The following APPL2 variants were observed in gnomAD, a reference collection of about 807,000 sequenced individuals.
APPL2 encodes adaptor protein, phosphotyrosine interacting with PH domain and leucine zipper 2.
A neutral mutation model predicts 92.7 loss-of-function variants in APPL2; 84 were observed. The ratio of observed to expected loss-of-function variants is 0.91; its 90% CI spans 0.76 to 1.09. The LOEUF (loss-of-function observed/expected upper bound fraction) is 1.09, where lower values mean the gene tolerates loss of function less well. APPL2 is among the 50% of genes least tolerant of loss of function. The pLI is 0.00. For missense variants in APPL2, 736 were observed against 824.5 expected (o/e 0.89, Z 1.31); for synonymous variants, 291 against 291.0 (o/e 1.00, Z 0.00).
At chr12:105,218,437 GA>G (rs71440574) in intron 2 of APPL2, among the ~76,000 whole-genome samples, 27,135 of 152,166 alleles carry the variant, frequency 0.18, 2,627 homozygotes, top group East Asian at 0.25. Flanking sequence ...AGTGTGATGA[GA>G]ACTGCAAAAG....
intron 20 of APPL2, among the ~76,000 whole-genome samples, 173 bp downstream of exon 20, chr12:105,175,862 A>G (rs1391776806): frequency 1.3e-5 from 2 of 152,246 alleles, no homozygotes; most frequent in Non-Finnish European, 2.9e-5. Flanking sequence ...GTTAACAGTG[A>G]ACATGGAACT....
At chr12:105,217,626 G>C in intron 3 of APPL2, 40 bp downstream of exon 3, 1 of 1,599,558 alleles carries the variant, frequency 6.3e-7, no homozygotes, top group African/African-American at 1.3e-5. Context: ...AGAAAGTCCT[G>C]AACACAGCAG....
chr12:105,182,618 A>G (rs1886219257), intron 17 of APPL2, among the ~76,000 whole-genome samples: 1 of 152,178 alleles, frequency 6.6e-6, no homozygotes, highest in Admixed American at 6.5e-5. Flanking sequence ...GTGGTCTGAG[A>G]GACAGTTTGT....
intron 14 of APPL2, 63 bp downstream of exon 14, chr12:105,195,198 T>C: frequency 6.6e-7 from 1 of 1,508,344 alleles, no homozygotes; most frequent in South Asian, 1.1e-5. Context: ...CAACAACTCA[T>C]TTCGTATTCC....
chr12:105,203,847 A>ATC, intron 8 of APPL2, 62 bp from the exon 9 acceptor site: 11 of 1,463,568 alleles, frequency 7.5e-6, no homozygotes, highest in Non-Finnish European at 1.1e-5. Flanking sequence ...GAACTCACTG[A>ATC]AGGTGAGACA....
intron 14 of APPL2, 63 bp downstream of exon 14, chr12:105,195,198 T>G: frequency 6.6e-7 from 1 of 1,508,344 alleles, no homozygotes; most frequent in Non-Finnish European, 9.2e-7. Context: ...CAACAACTCA[T>G]TTCGTATTCC....
intron 17 of APPL2, among the ~76,000 whole-genome samples, chr12:105,183,608 G>A (rs12814033): frequency 0.18 from 27,053 of 152,112 alleles, 2,593 homozygotes; most frequent in East Asian, 0.25. Context: ...GGGTTGTAGC[G>A]TTTCTGCAGA....
rs1555248132 is a variant in APPL2, at chr12:105,186,699, C to CATCATAT, written c.1634+1573_1634+1574insATATGAT. 7.6e-3 allele frequency among the ~76,000 whole-genome samples: 1,024 copies of CATCATAT among 134,546 alleles called. 27 individuals are homozygous for CATCATAT. Among genetic ancestry groups the CATCATAT allele is most frequent in the African/African-American group, 0.029 (946 of 32,614 alleles). The allele number at this position is 134,546 out of a possible 152,430, so 88.3% of individuals were successfully genotyped here. ...GATATATCATATATATATCATATAT[C>CATCATAT]ATATCATATATCATATCATATATAT... On this transcript the variant is annotated intron_variant, in intron 17 of 20. Coordinates refer to ENST00000258530, the MANE Select transcript of APPL2 (RefSeq NM_018171.5).
chr12:105,214,870 T>C, intron 4 of APPL2, among the ~76,000 whole-genome samples: 1 of 152,176 alleles, frequency 6.6e-6, no homozygotes, highest in East Asian at 1.9e-4. Flanking sequence ...TGGAGGTTGA[T>C]CACATCTATG....
At chr12:105,174,888 T>G (rs1320594850) in intron 20 of APPL2, among the ~76,000 whole-genome samples, 1,000 of 80,074 alleles carry the variant, frequency 0.012, 5 homozygotes, top group Admixed American at 0.018. Flanking sequence ...GGGGGGGGGG[T>G]GGTGCGGCGG....
chr12:105,189,958 G>A lies in APPL2; in HGVS notation c.1406+33C>T, dbSNP rs144258618. Reference sequence around the variant, plus strand: ...ACAAGATACCTCAAATTTACTTTCAGTTCTCCCAGAGATAACCTCTCTCAG... The same window carrying A: ...ACAAGATACCTCAAATTTACTTTCAATTCTCCCAGAGATAACCTCTCTCAG... On this transcript the variant is annotated intron_variant, in intron 15 of 20. Transcript: ENST00000258530. The A allele has an allele frequency of 1.2e-3, 1,900 of 1,612,114 alleles. 5 individuals are homozygous for A. The highest frequency in any genetic ancestry group is 1.9e-3 in the Admixed American group (114 of 59,962).
At chr12:105,227,134 T>TA (rs60826041) in intron 2 of APPL2, among the ~76,000 whole-genome samples, 83,415 of 148,766 alleles carry the variant, frequency 0.56, 23,452 homozygotes, top group East Asian at 0.72. Flanking sequence ...AAATTAAAAA[T>TA]AAAAAAAAAA....
At chr12:105,183,438 G>C (rs1488078219) in intron 17 of APPL2, among the ~76,000 whole-genome samples, 1 of 152,120 alleles carries the variant, frequency 6.6e-6, no homozygotes, top group Non-Finnish European at 1.5e-5. Flanking sequence ...AGGAGCTCTT[G>C]TAAAGCAGGT....
intron 8 of APPL2, among the ~76,000 whole-genome samples, chr12:105,205,450 C>G (rs748067716): frequency 4.6e-5 from 7 of 152,210 alleles, no homozygotes; most frequent in Non-Finnish European, 7.3e-5. Flanking sequence ...AGCTCCTCTT[C>G]TCCCTCTGTG....
At chr12:105,182,800 C>T (rs1232189492) in intron 17 of APPL2, among the ~76,000 whole-genome samples, 1 of 152,166 alleles carries the variant, frequency 6.6e-6, no homozygotes, top group African/African-American at 2.4e-5. Flanking sequence ...AGTTTAAGTC[C>T]TGAATATCCT....
Position 105,203,804 on chromosome 12 carries a change from A to G in APPL2, c.622-19T>C. On this transcript the variant is annotated intron_variant, in intron 8 of 20. Coordinates refer to ENST00000258530, the MANE Select transcript of APPL2 (RefSeq NM_018171.5). ...AGTTAATCTGAAAGATATAATTATA[A>G]TATTCTGAAAATCATCCAGGGAAGT... is the stretch of plus-strand genomic sequence containing the variant. The G allele has an allele frequency of 6.3e-7, 1 of 1,595,570 alleles. No individual in the cohort carries two copies. The highest frequency in any genetic ancestry group is 8.6e-7 in the Non-Finnish European group (1 of 1,163,212).
At chr12:105,217,767 T>C (rs771880961) in intron 2 of APPL2, 42 bp from the exon 3 acceptor site, 1 of 1,585,402 alleles carries the variant, frequency 6.3e-7, no homozygotes, top group Non-Finnish European at 8.6e-7. Flanking sequence ...TAGTCCAATG[T>C]ATACATAGTC....
At chr12:105,229,652 C>G (rs528745049) in intron 1 of APPL2, 102 of 990,512 alleles carry the variant, frequency 1.0e-4, no homozygotes, top group African/African-American at 7.3e-4. Context: ...TCTAGCACAG[C>G]TGTAGTGTGA....
intron 17 of APPL2, among the ~76,000 whole-genome samples, chr12:105,187,558 A>AT (rs1886838778): frequency 6.6e-6 from 1 of 152,238 alleles, no homozygotes; most frequent in African/African-American, 2.4e-5. Flanking sequence ...TAGAAATGTA[A>AT]TGGAAGCCTT....
Sources: allele counts gnomAD v4.1 joint callset (sites outside exome capture counted in the v4.1 genomes callset), GRCh38; gene constraint gnomAD v4.1.1; transcripts MANE v1.5; gene names NCBI Gene and HGNC (gene_info 2026-07-23, HGNC 2026-07-21).